Variants in COL8A2 observed in about 807,000 individuals in gnomAD.
COL8A2 encodes collagen type VIII alpha 2 chain, also known as collagen alpha-2(VIII) chain.
Under a neutral mutation model 24.0 loss-of-function variants are expected in COL8A2, and 16 were observed. That is an observed-to-expected ratio of 0.67 (90% CI 0.45 to 1.01). The LOEUF is 1.01. COL8A2 is among the 50% of genes least tolerant of loss of function. COL8A2 has a pLI of 0.00. For missense variants in COL8A2, 818 were observed against 942.4 expected (o/e 0.87, Z 1.73); for synonymous variants, 466 against 424.5 (o/e 1.10, Z -1.20).
intron 1 of COL8A2, among the ~76,000 whole-genome samples, chr1:36,117,293 A>G (rs1032844469): frequency 1.3e-5 from 2 of 152,018 alleles, no homozygotes; most frequent in African/African-American, 4.8e-5. Flanking sequence ...AGGTAGGAGG[A>G]CCCTCCAGCT....
In COL8A2 at chr1:36,095,991, C is replaced by T. The variant is rs1570018450; in HGVS notation, c.*1578G>A. 1 of 152,204 alleles carries T rather than the reference C, an allele frequency of 6.6e-6. No individual in the cohort carries two copies. Among genetic ancestry groups the T allele is most frequent in the African/African-American group, 2.4e-5 (1 of 41,452 alleles). 9.4% of individuals were successfully genotyped at this position (152,204 alleles called of 1,614,324 possible). On this transcript the variant is annotated 3_prime_UTR_variant, in exon 4 of 4. Transcript: ENST00000397799. Reference sequence around the variant, plus strand: ...GCAGGGGAGGAGGGTTGGCAAGGAACCTGAAGGAACCCACTGCTCAGCCAG... The same window carrying T: ...GCAGGGGAGGAGGGTTGGCAAGGAATCTGAAGGAACCCACTGCTCAGCCAG...
At chr1:36,121,388 CAAAAAAAA>C (rs57902365) in intron 1 of COL8A2, among the ~76,000 whole-genome samples, 14 of 47,652 alleles carry the variant, frequency 2.9e-4, no homozygotes, top group Admixed American at 1.5e-3. Flanking sequence ...GACTCTGTCT[CAAAAAAAA>C]AAAAAAAAAA....
chr1:36,111,096 G>T lies in COL8A2; in HGVS notation c.-17+4612C>A, dbSNP rs139231389. On this transcript the variant is annotated intron_variant, in intron 2 of 3. Coordinates refer to ENST00000397799, the MANE Select transcript of COL8A2 (RefSeq NM_005202.4). ...CCTGAATCTCGGAAGAAGGAGCAAGGCCCAGGCCCCTCCACACCTCTTCCT... is the reference window on the plus strand; with the variant it reads ...CCTGAATCTCGGAAGAAGGAGCAAGTCCCAGGCCCCTCCACACCTCTTCCT... 3.3e-5 allele frequency among the ~76,000 whole-genome samples: 5 copies of T among 152,168 alleles called. No individual in the cohort carries two copies. The East Asian group carries it at 9.6e-4, about 29-fold the overall frequency.
rs562905051 is a variant in COL8A2, at chr1:36,110,090, C to T, written c.-17+5618G>A. On this transcript the variant is annotated intron_variant, in intron 2 of 3. Transcript: ENST00000397799. ...GACTACAGGGGCCCGCCACCACGCC[C>T]GGCTAATTTCTTTTTGTATTTTTAG... Among the ~76,000 whole-genome samples, 746 of 151,774 alleles carry T rather than the reference C, an allele frequency of 4.9e-3. 5 individuals carry two copies. The highest frequency in any genetic ancestry group is 0.017 in the African/African-American group (712 of 41,372).
Position 36,125,063 on chromosome 1 carries a change from G to C in COL8A2, c.-68C>G. 6.1e-6 allele frequency: 6 copies of C among 980,732 alleles called. No individual in the cohort carries two copies. The highest frequency in any genetic ancestry group is 7.3e-6 in the Non-Finnish European group (6 of 826,458). 60.8% of individuals were successfully genotyped at this position (980,732 alleles called of 1,614,324 possible). On this transcript the variant is annotated 5_prime_UTR_variant, in exon 1 of 4. Coordinates refer to ENST00000397799, the MANE Select transcript of COL8A2 (RefSeq NM_005202.4). This position sits in a 1 kb window ranked among gnomAD's most constrained non-coding sequence, Gnocchi z 4.5. ...CCCGCCTCCTGGCCTTTACCTGCGG[G>C]CGCGGCCGCCGGGCGCCGCTCCCGG... is the stretch of plus-strand genomic sequence containing the variant.
intron 2 of COL8A2, among the ~76,000 whole-genome samples, chr1:36,110,255 C>T (rs1412828211): frequency 2.2e-5 from 3 of 137,774 alleles, no homozygotes; most frequent in Admixed American, 1.5e-4. Flanking sequence ...TCTTAATGAG[C>T]TTGCTCTCAT....
Position 36,098,095 on chromosome 1 carries a change from G to C in COL8A2, c.1586C>G (p.Pro529Arg), listed in dbSNP as rs753315893. The C allele has an allele frequency of 4.6e-6, 7 of 1,528,970 alleles. No individual in the cohort carries two copies. The highest frequency in any genetic ancestry group is 6.1e-6 in the Non-Finnish European group (7 of 1,146,998). The allele number at this position is 1,528,970 out of a possible 1,614,324, so 94.7% of individuals were successfully genotyped here. A position where few individuals can be genotyped will look rare whatever the true frequency, so the allele number is the denominator to read the frequency against. Residue 529 changes from proline to arginine, a missense_variant, in exon 4 of 4, where the codon CCC becomes CGC. Pro to Arg is a moderately radical substitution (Grantham distance 103, BLOSUM62 -2). Coordinates refer to ENST00000397799, the MANE Select transcript of COL8A2 (RefSeq NM_005202.4). ...ATCGAAGGCCCCAGGGGCACCAGGG[G>C]GTCCCGGGGGCCCGGGAGGCCCCGG... ...GPPGPPGPPGPPGAPGAFDET... is the reference protein window; with the variant it reads ...GPPGPPGPPGRPGAPGAFDET...
At chr1:36,111,646 G>C (rs1424357313) in intron 2 of COL8A2, among the ~76,000 whole-genome samples, 1 of 151,990 alleles carries the variant, frequency 6.6e-6, no homozygotes, top group Non-Finnish European at 1.5e-5. Flanking sequence ...AGACTCTTGG[G>C]TTCAAGCCAT....
At chr1:36,118,039 C>T (rs560829691) in intron 1 of COL8A2, among the ~76,000 whole-genome samples, 4 of 152,188 alleles carry the variant, frequency 2.6e-5, no homozygotes, top group Admixed American at 1.3e-4. Context: ...TCCCCATTCC[C>T]TTCCCCCATG....
chr1:36,116,076 G>A lies in COL8A2; in HGVS notation c.-61-324C>T, dbSNP rs1643877683. Among the ~76,000 whole-genome samples, 3 of 151,266 alleles carry A rather than the reference G, an allele frequency of 2.0e-5. No homozygotes were observed. In the South Asian group the frequency reaches 6.3e-4, roughly 32 times the overall value. On this transcript the variant is annotated intron_variant, in intron 1 of 3. Transcript: ENST00000397799. ...TCTGTCTCAAAAAAAAAAAAAAGGA[G>A]GAACAGTGAGACGATGACATCAGGA...
intron 2 of COL8A2, among the ~76,000 whole-genome samples, chr1:36,107,403 CAA>C (rs373732589): frequency 1.1e-4 from 14 of 133,068 alleles, no homozygotes; most frequent in Non-Finnish European, 8.3e-5. Flanking sequence ...GACCCTGTCT[CAA>C]AAAAAAAAAA....
chr1:36,099,369 C>A lies in COL8A2; in HGVS notation c.312G>T (p.Lys104Asn). The change falls in exon 4 of 4, where the codon AAG (lysine) becomes AAT (asparagine). Residue 104 changes from lysine (K) to asparagine (N), a missense_variant. By Grantham distance (94) the Lys-to-Asn change is moderately conservative. Coordinates refer to ENST00000397799, the MANE Select transcript of COL8A2 (RefSeq NM_005202.4). Reference sequence around the variant, plus strand: ...GGCCAGGCTGCCCATGGAGTCCTGGCTTTCCCATGCCTGGTTTTCCTGGGA... The same window carrying A: ...GGCCAGGCTGCCCATGGAGTCCTGGATTTCCCATGCCTGGTTTTCCTGGGA... ...PGFPGKPGMG[K>N]PGLHGQPGPA... 1 of 1,575,778 alleles carries A rather than the reference C, an allele frequency of 6.3e-7. No individual in the cohort carries two copies. The highest frequency in any genetic ancestry group is 8.6e-7 in the Non-Finnish European group (1 of 1,164,502).
chr1:36,119,737 G>A (rs984474617), intron 1 of COL8A2, among the ~76,000 whole-genome samples: 6 of 152,214 alleles, frequency 3.9e-5, no homozygotes, highest in Non-Finnish European at 8.8e-5. Flanking sequence ...ACTTCCGGGT[G>A]GTGGGGGCTG....
chr1:36,101,965 GCC>G (rs1643684213), intron 2 of COL8A2, among the ~76,000 whole-genome samples: 1 of 152,014 alleles, frequency 6.6e-6, no homozygotes, highest in Non-Finnish European at 1.5e-5. Context: ...AATTGTCTGA[GCC>G]CAGGAGTTTG....
At position 36,098,097 on chromosome 1, in the gene COL8A2, T is replaced by TCCCGGGGGC. The variant is rs1252557115; in HGVS notation, c.1575_1583dup (p.Pro529_Gly531dup). On this transcript the variant is annotated inframe_insertion, in exon 4 of 4. Coordinates refer to ENST00000397799, the MANE Select transcript of COL8A2 (RefSeq NM_005202.4). ...CGAAGGCCCCAGGGGCACCAGGGGGTCCCGGGGGCCCGGGAGGCCCCGGAG... is the reference window on the plus strand; with the variant it reads ...CGAAGGCCCCAGGGGCACCAGGGGGTCCCGGGGGCCCCGGGGGCCCGGGAGGCCCCGGAG... The TCCCGGGGGC allele has an allele frequency of 6.6e-7, 1 of 1,526,368 alleles. No individual in the cohort carries two copies. Among genetic ancestry groups the TCCCGGGGGC allele is most frequent in the South Asian group, 1.3e-5 (1 of 79,854 alleles). The allele number at this position is 1,526,368 out of a possible 1,614,324, so 94.6% of individuals were successfully genotyped here.
At chr1:36,104,797 A>AAATT (rs931908109) in intron 2 of COL8A2, among the ~76,000 whole-genome samples, 16 of 152,302 alleles carry the variant, frequency 1.1e-4, no homozygotes, top group Non-Finnish European at 1.9e-4. Flanking sequence ...TCCATCTCAA[A>AAATT]AATTAATTAA....
intron 1 of COL8A2, among the ~76,000 whole-genome samples, chr1:36,118,092 T>A (rs1557747889): frequency 6.6e-6 from 1 of 152,206 alleles, no homozygotes; most frequent in South Asian, 2.1e-4. Context: ...AAGTTCATTG[T>A]ATGCACTGGA....
At chr1:36,122,442 A>G (rs1643920578) in intron 1 of COL8A2, among the ~76,000 whole-genome samples, 1 of 152,124 alleles carries the variant, frequency 6.6e-6, no homozygotes, top group African/African-American at 2.4e-5. Context: ...ACTTGGGCAC[A>G]TGTGTGTCCA....
In COL8A2 at chr1:36,099,308, C is replaced by G. The variant is rs763834962; in HGVS notation, c.373G>C (p.Ala125Pro). The G allele has an allele frequency of 2.5e-6, 4 of 1,576,006 alleles. No individual in the cohort carries two copies. Among genetic ancestry groups the G allele is most frequent in the South Asian group, 1.2e-5 (1 of 86,342 alleles). Residue 125 changes from alanine (A) to proline (P), a missense_variant, in exon 4 of 4, where the codon GCT becomes CCT. Physicochemically the swap from Ala to Pro is conservative, Grantham distance 27. This residue lies in a region of COL8A2 where 573 missense variants were observed against 616.8 expected (regional missense o/e 0.93). Coordinates refer to ENST00000397799, the MANE Select transcript of COL8A2 (RefSeq NM_005202.4). The part of the protein sequence containing the change: ...GPPGFSRMGK[A>P]GPPGLPGKVG... Reference sequence around the variant, plus strand: ...TTGCCAGGGAGCCCTGGGGGACCAGCCTTGCCCATCCGGGAGAAGCCAGGG... The same window carrying G: ...TTGCCAGGGAGCCCTGGGGGACCAGGCTTGCCCATCCGGGAGAAGCCAGGG...
Sources: allele counts gnomAD v4.1 joint callset (sites outside exome capture counted in the v4.1 genomes callset), GRCh38; gene constraint gnomAD v4.1.1; regional missense constraint gnomAD v4.1.1; non-coding constraint Gnocchi (gnomAD v3.1); transcripts MANE v1.5; gene names NCBI Gene and HGNC (gene_info 2026-07-23, HGNC 2026-07-21).